Variants in CMYA5 observed in about 807,000 individuals in gnomAD.
CMYA5 encodes cardiomyopathy associated 5.
CMYA5 carries 246 observed loss-of-function variants against 318.9 expected under a neutral mutation model. The ratio of observed to expected loss-of-function variants is 0.77; its 90% CI spans 0.70 to 0.86. The LOEUF (loss-of-function observed/expected upper bound fraction) is 0.86, where lower values mean the gene tolerates loss of function less well. Among genes scored for constraint, CMYA5 ranks in the 40% least tolerant of loss-of-function variants. The pLI, the probability that CMYA5 is intolerant of heterozygous loss-of-function variation, is 0.00. For missense variants in CMYA5, 4,589 were observed against 4,678.2 expected, an observed-to-expected ratio of 0.98 and a Z score of 0.56; for synonymous variants, 1,641 against 1,729.5, an observed-to-expected ratio of 0.95 and a Z score of 1.27.
At position 79,733,153 on chromosome 5, in the gene CMYA5, T is replaced by G. The variant is rs755979262; in HGVS notation, c.4388T>G (p.Val1463Gly). The change falls in exon 2 of 13, where the codon GTA (valine) becomes GGA (glycine). Residue 1463 changes from valine (V) to glycine (G), a missense_variant. Around this residue, in one of 3 missense-constraint regions of CMYA5, gnomAD observed 2,132 missense variants for 2,131.3 expected, o/e 1.00. Transcript: ENST00000446378. The part of the protein sequence containing the change: ...SIAEHSVLSE[V>G]EAKEVKAGLP... ...GCAGAGCATTCTGTTTTGTCAGAAG[T>G]AGAAGCCAAAGAAGTTAAAGCTGGG... 6.2e-7 allele frequency: 1 copy of G among 1,613,852 alleles called. No homozygotes were observed. The highest frequency in any genetic ancestry group is 1.1e-5 in the South Asian group (1 of 91,060).
chr5:79,761,738 G>T (rs1418178315), intron 7 of CMYA5, 73 bp from the exon 8 acceptor site: 8 of 1,464,142 alleles, frequency 5.5e-6, no homozygotes, highest in Non-Finnish European at 2.8e-6. Flanking sequence ...AATCATAGAT[G>T]ACTTTCTCCA....
In CMYA5 at chr5:79,730,867, C is replaced by G; in HGVS notation, c.2102C>G (p.Ser701Ter). The G allele has an allele frequency of 1.2e-6, 2 of 1,613,918 alleles. No homozygotes were observed. The highest frequency in any genetic ancestry group is 1.3e-5 in the African/African-American group (1 of 75,052). ...TPDSTSASEY[S>*]VPSLATKESL... is the part of the protein sequence containing the mutation. ...GACTCCACATCTGCTTCTGAATATT[C>G]AGTTCCATCACTGGCAACAAAAGAG... Residue 701 changes from serine (S) to a stop codon, truncating the protein, a stop_gained, in exon 2 of 13, where the codon TCA becomes TGA. Transcript: ENST00000446378. LOFTEE classifies it high-confidence loss of function.
chr5:79,736,648 T>C lies in CMYA5; in HGVS notation c.7883T>C (p.Leu2628Ser). The C allele has an allele frequency of 6.2e-7, 1 of 1,613,732 alleles. No homozygotes were observed. Among genetic ancestry groups the C allele is most frequent in the Non-Finnish European group, 8.5e-7 (1 of 1,179,806 alleles). The change falls in exon 2 of 13, where the codon TTG becomes TCG. Residue 2628 changes from leucine to serine, a missense_variant. Coordinates refer to ENST00000446378, the MANE Select transcript of CMYA5 (RefSeq NM_153610.5). ...CATCCTTTAGAAGAAAGTAAAGTTT[T>C]GGTGGAGAAAACCAAGACTTTCCTG... ...QPHPLEESKV[L>S]VEKTKTFLPV...
Position 79,773,133 on chromosome 5 carries a change from G to T in CMYA5, c.11555+9924G>T, listed in dbSNP as rs565171116. Among the ~76,000 whole-genome samples the T allele has an allele frequency of 2.9e-3, 443 of 152,262 alleles. 2 individuals are homozygous for T. The highest frequency in any genetic ancestry group is 0.01 in the African/African-American group (424 of 41,550). ...ATTTGTTTGATCTCACTCCTTTGTT[G>T]GTTCCATGAAGGGATCATTGTGTGA... On this transcript the variant is annotated intron_variant, in intron 9 of 12. Transcript: ENST00000446378.
intron 7 of CMYA5, 138 bp downstream of exon 7, chr5:79,759,040 A>G: frequency 1.4e-6 from 1 of 707,302 alleles, no homozygotes; most frequent in African/African-American, 1.8e-5. Flanking sequence ...AAACCCCAAC[A>G]ACCATATAAT....
At chr5:79,720,715 C>T (rs371559560) in intron 1 of CMYA5, among the ~76,000 whole-genome samples, 23 of 152,156 alleles carry the variant, frequency 1.5e-4, no homozygotes, top group Admixed American at 2.0e-4. Context: ...GGATTACAGG[C>T]GTGAGCCACC....
intron 1 of CMYA5, among the ~76,000 whole-genome samples, chr5:79,701,608 C>T (rs1251832583): frequency 6.6e-6 from 1 of 152,120 alleles, no homozygotes; most frequent in Admixed American, 6.5e-5. Flanking sequence ...CCTCATATAA[C>T]ACTGGTAGGA....
At chr5:79,727,337 G>A (rs1003956386) in intron 1 of CMYA5, among the ~76,000 whole-genome samples, 4 of 152,090 alleles carry the variant, frequency 2.6e-5, no homozygotes, top group Non-Finnish European at 4.4e-5. Context: ...AAGGGTATGG[G>A]GCAGTATTAG....
At chr5:79,701,719 T>C (rs1827177423) in intron 1 of CMYA5, among the ~76,000 whole-genome samples, 1 of 152,206 alleles carries the variant, frequency 6.6e-6, no homozygotes, top group Non-Finnish European at 1.5e-5. Context: ...CCTAGGTATG[T>C]ACTCGAGAGA....
At position 79,737,713 on chromosome 5, in the gene CMYA5, AAGCC is replaced by A. The variant is rs1369445811; in HGVS notation, c.8949_8952del (p.Lys2983AsnfsTer21). On this transcript the variant is annotated frameshift_variant, in exon 2 of 13. Coordinates refer to ENST00000446378, the MANE Select transcript of CMYA5 (RefSeq NM_153610.5). LOFTEE classifies it high-confidence loss of function. ...GATAAATTAGAATATTTGGAAGAGA[AAGCC>A]TCATTTAAAACCATACCACTCCCTG... is the stretch of plus-strand genomic sequence containing the variant. 3 of 1,612,046 alleles carry A rather than the reference AAGCC, an allele frequency of 1.9e-6. No individual in the cohort carries two copies. The Admixed American group carries it at 5.0e-5, about 27-fold the overall frequency.
In CMYA5 at chr5:79,731,099, G is replaced by T; in HGVS notation, c.2334G>T (p.Val778=). The change falls in exon 2 of 13, where the codon GTG becomes GTT. Residue 778 remains valine, a synonymous_variant. Coordinates refer to ENST00000446378, the MANE Select transcript of CMYA5 (RefSeq NM_153610.5). ...PLPSTATSEH[V]VPSEGEDLGS... Reference sequence around the variant, plus strand: ...CTTCTACTGCCACATCAGAACACGTGGTCCCATCAGAAGGAGAGGACCTAG... The same window carrying T: ...CTTCTACTGCCACATCAGAACACGTTGTCCCATCAGAAGGAGAGGACCTAG... 6.2e-7 allele frequency: 1 copy of T among 1,613,900 alleles called. No individual in the cohort carries two copies. The highest frequency in any genetic ancestry group is 8.5e-7 in the Non-Finnish European group (1 of 1,179,878).
chr5:79,748,842 C>T (rs887054223), intron 5 of CMYA5, among the ~76,000 whole-genome samples: 20 of 152,140 alleles, frequency 1.3e-4, no homozygotes, highest in African/African-American at 4.6e-4. Context: ...ATATTATTGA[C>T]ATTTCTTTTT....
At chr5:79,765,925 T>C (rs1451396249) in intron 9 of CMYA5, among the ~76,000 whole-genome samples, 1 of 152,220 alleles carries the variant, frequency 6.6e-6, no homozygotes, top group African/African-American at 2.4e-5. Flanking sequence ...TACAATCATG[T>C]CATCTGCAAA....
chr5:79,747,118 A>G lies in CMYA5; in HGVS notation c.10991+5A>G. 6 of 1,547,448 alleles carry G rather than the reference A, an allele frequency of 3.9e-6. No individual in the cohort carries two copies. Among genetic ancestry groups the G allele is most frequent in the Non-Finnish European group, 5.2e-6 (6 of 1,144,214 alleles). On this transcript the variant is annotated splice_donor_5th_base_variant and intron_variant, in intron 5 of 12. Coordinates refer to ENST00000446378, the MANE Select transcript of CMYA5 (RefSeq NM_153610.5). ...GTTTGAGGAAATCAATGAAAGGTATATAAAACATGATACAATGTAGTGGCA... is the reference window on the plus strand; with the variant it reads ...GTTTGAGGAAATCAATGAAAGGTATGTAAAACATGATACAATGTAGTGGCA...
intron 1 of CMYA5, among the ~76,000 whole-genome samples, 194 bp downstream of exon 1, chr5:79,690,250 G>C (rs1383848921): frequency 6.6e-6 from 1 of 152,116 alleles, no homozygotes; most frequent in Non-Finnish European, 1.5e-5. Context: ...CCCGCCTGCA[G>C]CAGAGTTCAT....
At chr5:79,767,104 T>C (rs924074090) in intron 9 of CMYA5, among the ~76,000 whole-genome samples, 5 of 152,376 alleles carry the variant, frequency 3.3e-5, no homozygotes, top group Middle Eastern at 6.8e-3. Context: ...GAGATGTTTA[T>C]AGTATTCTCT....
Position 79,738,644 on chromosome 5 carries a change from G to A in CMYA5, c.9879G>A (p.Lys3293=). The A allele has an allele frequency of 1.2e-6, 2 of 1,613,930 alleles. No individual in the cohort carries two copies. The highest frequency in any genetic ancestry group is 1.7e-6 in the Non-Finnish European group (2 of 1,179,846). ...WGKFGTICRE[K]SLEEQKGVYG... ...AGTTTGGAACTATTTGCAGGGAGAA[G>A]AGTCTGGAAGAACAGAAAGGTGTTT... The change falls in exon 2 of 13, where the codon AAG becomes AAA. Residue 3293 remains lysine, a synonymous_variant. Coordinates refer to ENST00000446378, the MANE Select transcript of CMYA5 (RefSeq NM_153610.5).
chr5:79,736,856 A>T lies in CMYA5; in HGVS notation c.8091A>T (p.Gly2697=). The change falls in exon 2 of 13, where the codon GGA becomes GGT. Residue 2697 remains glycine (G), a synonymous_variant. Coordinates refer to ENST00000446378, the MANE Select transcript of CMYA5 (RefSeq NM_153610.5). The part of the protein sequence containing the change: ...VDITKETVKQ[G]FQEKAVGTQP... Reference sequence around the variant, plus strand: ...TCACAAAAGAAACTGTGAAACAAGGATTTCAAGAAAAGGCAGTAGGAACCC... The same window carrying T: ...TCACAAAAGAAACTGTGAAACAAGGTTTTCAAGAAAAGGCAGTAGGAACCC... 1.2e-6 allele frequency: 2 copies of T among 1,612,198 alleles called. No individual in the cohort carries two copies. The highest frequency in any genetic ancestry group is 1.3e-5 in the African/African-American group (1 of 74,404).
chr5:79,760,948 G>A (rs999586455), intron 7 of CMYA5, among the ~76,000 whole-genome samples: 2 of 152,128 alleles, frequency 1.3e-5, no homozygotes, highest in Non-Finnish European at 2.9e-5. Flanking sequence ...AAGAGCTCCC[G>A]ATTTTCTTTT....
Sources: gnomAD v4.1 joint callset for allele counts (sites outside exome capture counted in the v4.1 genomes callset) on GRCh38, gnomAD v4.1.1 for gene constraint, gnomAD v4.1.1 regional missense constraint, MANE v1.5 for transcripts, NCBI Gene and HGNC (gene_info 2026-07-23, HGNC 2026-07-21) for gene names.